Variants in TMPRSS11B observed in about 807,000 individuals in gnomAD.
TMPRSS11B encodes transmembrane protease serine 11B.
In TMPRSS11B, 53 loss-of-function variants were observed where a neutral mutation model predicts 44.7. The ratio of observed to expected loss-of-function variants is 1.19; its 90% CI spans 0.95 to 1.49. The LOEUF is 1.49. Ranked by LOEUF, TMPRSS11B falls within the 40% of genes most tolerant of loss-of-function variation. The pLI, the probability that TMPRSS11B is intolerant of heterozygous loss-of-function variation, is 0.00. For missense variants in TMPRSS11B, 526 were observed against 494.8 expected (o/e 1.06, Z -0.60); for synonymous variants, 140 against 159.2 (o/e 0.88, Z 0.91).
At chr4:68,228,682 G>A in intron 9 of TMPRSS11B, 60 bp downstream of exon 9, 2 of 1,537,216 alleles carry the variant, frequency 1.3e-6, no homozygotes, top group Non-Finnish European at 1.7e-6. Context: ...ATTTTATGTG[G>A]ATAAAAACTT....
At chr4:68,230,246 G>C (rs1424013143) in intron 7 of TMPRSS11B, among the ~76,000 whole-genome samples, 1 of 152,108 alleles carries the variant, frequency 6.6e-6, no homozygotes, top group Non-Finnish European at 1.5e-5. Flanking sequence ...CTTTTTGGTA[G>C]AACAATTTAT....
intron 7 of TMPRSS11B, among the ~76,000 whole-genome samples, chr4:68,230,301 C>T (rs1719473005): frequency 6.6e-6 from 1 of 152,128 alleles, no homozygotes; most frequent in African/African-American, 2.4e-5. Flanking sequence ...TTAAATTTTA[C>T]GTCAGATGGA....
Position 68,245,552 on chromosome 4 carries a change from T to C in TMPRSS11B, c.7A>G (p.Arg3Gly). ...TCTCCCCAGTGAAGTCCCCTTTACC[T>C]GTACATAATGTTCTGATTGTTATGG... MY[R>G]HGISSQRSWP... is the part of the protein sequence containing the mutation. The change falls in exon 1 of 10, where the codon AGG (arginine) becomes GGG (glycine). Residue 3 changes from arginine (R) to glycine (G), a missense_variant and splice_region_variant. Transcript: ENST00000332644. The C allele has an allele frequency of 1.9e-6, 3 of 1,613,586 alleles. No individual in the cohort carries two copies. Among genetic ancestry groups the C allele is most frequent in the South Asian group, 2.2e-5 (2 of 91,056 alleles).
Position 68,227,064 on chromosome 4 carries a change from G to A in TMPRSS11B, c.*847C>T, listed in dbSNP as rs1261461566. ...TCTCTGGTCTTCAGTTTCTTGATCT[G>A]TAAATTGAAAGACTCAGTGTAGCTG... On this transcript the variant is annotated 3_prime_UTR_variant, in exon 10 of 10. Coordinates refer to ENST00000332644, the MANE Select transcript of TMPRSS11B (RefSeq NM_182502.3). 6.6e-6 allele frequency: 1 copy of A among 152,106 alleles called. No individual in the cohort carries two copies. Among genetic ancestry groups the A allele is most frequent in the African/African-American group, 2.4e-5 (1 of 41,416 alleles). The allele number at this position is 152,106 out of a possible 1,614,324, so 9.4% of individuals were successfully genotyped here. A position where few individuals can be genotyped will look rare whatever the true frequency, so the allele number is the denominator to read the frequency against.
At position 68,227,860 on chromosome 4, in the gene TMPRSS11B, T is replaced by C; in HGVS notation, c.*51A>G. Reference sequence around the variant, plus strand: ...AATAAAAAGATCCCAAAGCCACAGATAAGGATAGCCTACAGTGGTCTTTAT... The same window carrying C: ...AATAAAAAGATCCCAAAGCCACAGACAAGGATAGCCTACAGTGGTCTTTAT... On this transcript the variant is annotated 3_prime_UTR_variant, in exon 10 of 10. Coordinates refer to ENST00000332644, the MANE Select transcript of TMPRSS11B (RefSeq NM_182502.3). 1 of 1,360,422 alleles carries C rather than the reference T, an allele frequency of 7.4e-7. No homozygotes were observed. Among genetic ancestry groups the C allele is most frequent in the Non-Finnish European group, 9.6e-7 (1 of 1,043,338 alleles). The allele number at this position is 1,360,422 out of a possible 1,614,324, so 84.3% of individuals were successfully genotyped here. A position where few individuals can be genotyped will look rare whatever the true frequency, so the allele number is the denominator to read the frequency against.
chr4:68,238,404 G>A (rs190881462), intron 2 of TMPRSS11B, among the ~76,000 whole-genome samples: 33 of 152,086 alleles, frequency 2.2e-4, no homozygotes, highest in Non-Finnish European at 3.2e-4. Context: ...TATTTAGCCC[G>A]CTGGGATTTT....
At chr4:68,231,171 C>T (rs753425212) in intron 7 of TMPRSS11B, 32 bp downstream of exon 7, 21 of 1,578,120 alleles carry the variant, frequency 1.3e-5, no homozygotes, top group Non-Finnish European at 1.7e-5. Context: ...TTGCACCTAG[C>T]ATCCTTCATT....
chr4:68,229,664 G>A, intron 7 of TMPRSS11B, 148 bp from the exon 8 acceptor site: 1 of 669,716 alleles, frequency 1.5e-6, no homozygotes, highest in Non-Finnish European at 2.4e-6. Context: ...TCTTTGACAT[G>A]GAGCTGTTGT....
At chr4:68,233,213 T>C (rs779664899) in intron 5 of TMPRSS11B, among the ~76,000 whole-genome samples, 1 of 152,040 alleles carries the variant, frequency 6.6e-6, no homozygotes, top group Non-Finnish European at 1.5e-5. Flanking sequence ...AAAAATTTTA[T>C]TGCTCCCTTG....
intron 4 of TMPRSS11B, 126 bp downstream of exon 4, chr4:68,235,876 C>T: frequency 1.4e-5 from 7 of 489,938 alleles, no homozygotes; most frequent in South Asian, 7.3e-5. Context: ...TCCTTTCTTT[C>T]TTTCCTTTCC....
rs1345761619 is a variant in TMPRSS11B, at chr4:68,228,895, T to C, written c.947-11A>G. ...TCACTGGAAATGAACCTAAAAGCAA[T>C]AAGTGCTGCATATTATGCAGATCTT... On this transcript the variant is annotated splice_polypyrimidine_tract_variant and intron_variant, in intron 8 of 9. Coordinates refer to ENST00000332644, the MANE Select transcript of TMPRSS11B (RefSeq NM_182502.3). 1 of 1,610,954 alleles carries C rather than the reference T, an allele frequency of 6.2e-7. No homozygotes were observed. Among genetic ancestry groups the C allele is most frequent in the Admixed American group, 1.7e-5 (1 of 59,680 alleles).
chr4:68,240,121 C>A (rs574694525), intron 2 of TMPRSS11B, among the ~76,000 whole-genome samples: 39 of 152,234 alleles, frequency 2.6e-4, no homozygotes, highest in African/African-American at 8.9e-4. Context: ...GACAGGGAAA[C>A]TAATTTCATG....
At chr4:68,239,284 G>C (rs988368385) in intron 2 of TMPRSS11B, among the ~76,000 whole-genome samples, 2 of 151,306 alleles carry the variant, frequency 1.3e-5, no homozygotes, top group African/African-American at 4.9e-5. Flanking sequence ...TCTCTCTCTC[G>C]CACTCTATCT....
At chr4:68,233,712 A>AT (rs1437743359) in intron 5 of TMPRSS11B, among the ~76,000 whole-genome samples, 1 of 151,902 alleles carries the variant, frequency 6.6e-6, no homozygotes, top group South Asian at 2.1e-4. Context: ...TTTCCAGACA[A>AT]TTTTTTTCTT....
intron 4 of TMPRSS11B, 90 bp downstream of exon 4, chr4:68,235,912 G>GT (rs1719649507): frequency 1.7e-6 from 1 of 584,258 alleles, no homozygotes; most frequent in Non-Finnish European, 2.7e-6. Context: ...CTTTATGTTT[G>GT]TTTTTTGTTG....
At position 68,229,490 on chromosome 4, in the gene TMPRSS11B, A is replaced by G; in HGVS notation, c.713T>C (p.Val238Ala). Residue 238 changes from valine (V) to alanine (A), a missense_variant, in exon 8 of 10, where the codon GTC (valine) becomes GCC (alanine). Coordinates refer to ENST00000332644, the MANE Select transcript of TMPRSS11B (RefSeq NM_182502.3). Reference sequence around the variant, plus strand: ...TTTATTTACTACAATTCCAAAGTTGACAGTCCAATCTTTTGAATTATTTTT... The same window carrying G: ...TTTATTTACTACAATTCCAAAGTTGGCAGTCCAATCTTTTGAATTATTTTT... Reference protein sequence around the residue: ...AKKNNSKDWTVNFGIVVNKPY... With the variant: ...AKKNNSKDWTANFGIVVNKPY... The G allele has an allele frequency of 6.2e-7, 1 of 1,612,966 alleles. No individual in the cohort carries two copies. Among genetic ancestry groups the G allele is most frequent in the Non-Finnish European group, 8.5e-7 (1 of 1,179,442 alleles).
chr4:68,229,192 TTGATTGATTGATTGATTAAA>T (rs1335987502), intron 8 of TMPRSS11B, 45 bp downstream of exon 8: 9 of 1,288,884 alleles, frequency 7.0e-6, no homozygotes, highest in East Asian at 2.6e-5. Context: ...GATTGATTGA[TTGATTGATTGATTGATTAAA>T]TAGTTATTCC....
chr4:68,244,522 A>C (rs1216805753), intron 1 of TMPRSS11B, among the ~76,000 whole-genome samples: 1 of 152,248 alleles, frequency 6.6e-6, no homozygotes, highest in Non-Finnish European at 1.5e-5. Context: ...GCTACTCAGG[A>C]GGCTGAGGCA....
At position 68,227,987 on chromosome 4, in the gene TMPRSS11B, C is replaced by T; in HGVS notation, c.1175G>A (p.Gly392Asp). Reference protein sequence around the residue: ...VGIVSWGDGCGKKNKPGVYTR... With the variant: ...VGIVSWGDGCDKKNKPGVYTR... ...ATAGACACCTGGCTTATTCTTTTTA[C>T]CACATCCATCACCCCAGCTTACTAT... The change falls in exon 10 of 10, where the codon GGT (glycine) becomes GAT (aspartate). Residue 392 changes from glycine (G) to aspartate (D), a missense_variant. By Grantham distance (94) the Gly-to-Asp change is moderately conservative (BLOSUM62 -1). Coordinates refer to ENST00000332644, the MANE Select transcript of TMPRSS11B (RefSeq NM_182502.3). The T allele has an allele frequency of 1.2e-6, 2 of 1,613,834 alleles. No individual in the cohort carries two copies. Among genetic ancestry groups the T allele is most frequent in the South Asian group, 1.1e-5 (1 of 91,068 alleles).
Sources: gnomAD v4.1 joint callset for allele counts (sites outside exome capture counted in the v4.1 genomes callset) on GRCh38, gnomAD v4.1.1 for gene constraint, MANE v1.5 for transcripts, NCBI Gene and HGNC (gene_info 2026-07-23, HGNC 2026-07-21) for gene names.